The following RASA3 variants were observed in gnomAD, a reference collection of about 807,000 sequenced individuals.
RASA3 encodes RAS p21 protein activator 3.
In RASA3, 73 loss-of-function variants were observed where a neutral mutation model predicts 110.0. The observed-to-expected ratio is 0.66, with a 90% confidence interval of 0.55 to 0.81. RASA3 has a LOEUF of 0.81. Ranked by LOEUF, RASA3 falls within the 30% of genes least tolerant of loss-of-function variation. The pLI is 0.00. For missense variants in RASA3, 976 were observed against 1,113.2 expected (o/e 0.88, Z 1.75); for synonymous variants, 500 against 451.4 (o/e 1.11, Z -1.37).
intron 4 of RASA3, among the ~76,000 whole-genome samples, chr13:114,033,945 C>T (rs191516668): frequency 2.6e-5 from 4 of 152,240 alleles, no homozygotes; most frequent in South Asian, 2.1e-4. Flanking sequence ...ACAAAGACCC[C>T]ACCAAGACCA....
At chr13:114,075,231 C>T (rs889469672) in intron 1 of RASA3, among the ~76,000 whole-genome samples, 1 of 152,196 alleles carries the variant, frequency 6.6e-6, no homozygotes, top group Non-Finnish European at 1.5e-5. Context: ...TCCGCCACTC[C>T]GCGCTGAATG....
chr13:114,068,165 C>T (rs1444831264), intron 2 of RASA3, among the ~76,000 whole-genome samples: 1 of 152,376 alleles, frequency 6.6e-6, no homozygotes, highest in Middle Eastern at 3.4e-3. Context: ...CCCTTCTCCC[C>T]GAGATGGGCA....
At position 114,011,550 on chromosome 13, in the gene RASA3, CGCTGAGTCTCGGGGT is replaced by C; in HGVS notation, c.1513-317_1513-303del. Among the ~76,000 whole-genome samples, 2 of 152,216 alleles carry C rather than the reference CGCTGAGTCTCGGGGT, an allele frequency of 1.3e-5. No homozygotes were observed. Among genetic ancestry groups the C allele is most frequent in the African/African-American group, 4.8e-5 (2 of 41,530 alleles). On this transcript the variant is annotated intron_variant, in intron 15 of 23. Transcript: ENST00000334062. This position sits in a 1 kb window ranked among gnomAD's most constrained non-coding sequence, Gnocchi z 4.8. ...ATCAGGTGGGGTCATGGCTCTGGGG[CGCTGAGTCTCGGGGT>C]GCTGAGTCTCCTGGCCCTGCCTGGG...
intron 1 of RASA3, among the ~76,000 whole-genome samples, chr13:114,130,771 C>T (rs1346312058): frequency 6.6e-6 from 1 of 152,236 alleles, no homozygotes; most frequent in African/African-American, 2.4e-5. Context: ...AAGCCCCAGG[C>T]CGCCTCTGCC....
Position 114,009,776 on chromosome 13 carries a change from T to C in RASA3, c.1591-312A>G, listed in dbSNP as rs556099848. Among the ~76,000 whole-genome samples the C allele has an allele frequency of 6.6e-5, 10 of 152,298 alleles. No homozygotes were observed. In the South Asian group the frequency reaches 1.5e-3, roughly 22 times the overall value. ...GGTCCCAGGCTCATGAAGAGGTACG[T>C]TGGGGCCCAGATGTGGCTGCCTGGG... On this transcript the variant is annotated intron_variant, in intron 16 of 23. Coordinates refer to ENST00000334062, the MANE Select transcript of RASA3 (RefSeq NM_007368.4).
At chr13:114,072,576 C>T (rs960139323) in intron 2 of RASA3, among the ~76,000 whole-genome samples, 1 of 152,174 alleles carries the variant, frequency 6.6e-6, no homozygotes, top group Non-Finnish European at 1.5e-5. Context: ...GTGCGAGCTT[C>T]CCGGTTCATC....
In RASA3 at chr13:114,015,357, C is replaced by T. The variant is rs41291215; in HGVS notation, c.1282-25G>A. On this transcript the variant is annotated intron_variant, in intron 13 of 23. Coordinates refer to ENST00000334062, the MANE Select transcript of RASA3 (RefSeq NM_007368.4). ...CCTGCAACGGGACACGGCACTGGGACCCACTCCCGAGGCTGCCCACAGGTG... is the reference window on the plus strand; with the variant it reads ...CCTGCAACGGGACACGGCACTGGGATCCACTCCCGAGGCTGCCCACAGGTG... 1.5e-3 allele frequency: 2,473 copies of T among 1,610,890 alleles called. 9 individuals are homozygous for T. The African/African-American group carries it at 0.017, about 11-fold the overall frequency.
intron 14 of RASA3, among the ~76,000 whole-genome samples, chr13:114,013,524 ATCTC>A (rs556430693): frequency 2.4e-3 from 229 of 95,072 alleles, no homozygotes; most frequent in East Asian, 0.016. Context: ...TCTCTCTCTC[ATCTC>A]TCTGTCTCTC....
chr13:113,999,486 G>T, intron 20 of RASA3, 99 bp downstream of exon 20: 1 of 905,280 alleles, frequency 1.1e-6, no homozygotes, highest in Non-Finnish European at 1.8e-6. Context: ...GAGTGCAGTG[G>T]GTGGGGAAGG....
intron 1 of RASA3, among the ~76,000 whole-genome samples, chr13:114,103,424 C>T (rs1004731641): frequency 1.4e-4 from 21 of 152,156 alleles, no homozygotes; most frequent in East Asian, 9.7e-4. Context: ...GAAGGTCGGG[C>T]GGCTCCCAGA....
chr13:114,013,837 TC>T (rs1224532269), intron 14 of RASA3, among the ~76,000 whole-genome samples: 10 of 142,328 alleles, frequency 7.0e-5, no homozygotes, highest in African/African-American at 2.3e-4. Context: ...TCCGTCTGTC[TC>T]TCTCTCCATC....
At chr13:114,018,719 G>A (rs1566486656) in intron 10 of RASA3, 44 bp downstream of exon 10, 3 of 1,601,492 alleles carry the variant, frequency 1.9e-6, no homozygotes, top group African/African-American at 1.3e-5. Context: ...CCAGGCAGGT[G>A]GCACCTCCTG....
chr13:114,045,837 T>G (rs761360733), intron 3 of RASA3, among the ~76,000 whole-genome samples: 38 of 152,172 alleles, frequency 2.5e-4, no homozygotes, highest in Non-Finnish European at 4.9e-4. Flanking sequence ...ACCACTCCAC[T>G]AAACACATAA....
chr13:114,000,136 G>T (rs1418075581), intron 19 of RASA3, among the ~76,000 whole-genome samples: 1 of 117,470 alleles, frequency 8.5e-6, no homozygotes, highest in Non-Finnish European at 1.8e-5. Flanking sequence ...GTCTCTGCTG[G>T]GGGGGGTCTC....
intron 1 of RASA3, among the ~76,000 whole-genome samples, chr13:114,100,653 C>G (rs1236261066): frequency 6.6e-6 from 1 of 152,218 alleles, no homozygotes; most frequent in African/African-American, 2.4e-5. Flanking sequence ...GAAAGCACAT[C>G]CCACACCAGG....
intron 2 of RASA3, among the ~76,000 whole-genome samples, chr13:114,069,619 G>A (rs1285929532): frequency 1.8e-5 from 1 of 56,392 alleles, no homozygotes; most frequent in Non-Finnish European, 3.7e-5. Flanking sequence ...TGGGAGATTC[G>A]GGGACCGGGA....
intron 20 of RASA3, among the ~76,000 whole-genome samples, chr13:113,998,437 C>A (rs1489202630): frequency 6.6e-6 from 1 of 152,244 alleles, no homozygotes; most frequent in African/African-American, 2.4e-5. Flanking sequence ...AACTTTGGCA[C>A]GAGGCCCAGG....
Position 113,996,711 on chromosome 13 carries a change from G to A in RASA3, c.1961C>T (p.Ala654Val), listed in dbSNP as rs765180652. The A allele has an allele frequency of 8.7e-6, 14 of 1,613,604 alleles. No homozygotes were observed. The East Asian group carries it at 1.3e-4, about 15-fold the overall frequency. Residue 654 changes from alanine (A) to valine (V), a missense_variant, in exon 21 of 24, where the codon GCG becomes GTG. This residue lies in a region of RASA3 where 109 missense variants were observed against 162.5 expected (regional missense o/e 0.67). Transcript: ENST00000334062. Reference protein sequence around the residue: ...NMFQVIQPERALYIQANNCVE... With the variant: ...NMFQVIQPERVLYIQANNCVE... ...GCAGTTGTTGGCCTGGATGTACAGC[G>A]CACGCTCTGGCTGGATGACCTGGAA...
chr13:114,041,983 C>G (rs954229788), intron 3 of RASA3, among the ~76,000 whole-genome samples: 6 of 152,252 alleles, frequency 3.9e-5, no homozygotes, highest in Non-Finnish European at 7.3e-5. Context: ...CCACTCTAAA[C>G]AGTTTCCCGT....
Sources: allele counts gnomAD v4.1 joint callset (sites outside exome capture counted in the v4.1 genomes callset), GRCh38; gene constraint gnomAD v4.1.1; regional missense constraint gnomAD v4.1.1; non-coding constraint Gnocchi (gnomAD v3.1); transcripts MANE v1.5; gene names NCBI Gene and HGNC (gene_info 2026-07-23, HGNC 2026-07-21).